FRMD5: variants seen among roughly 807,000 people sequenced by gnomAD.
FRMD5 encodes the protein FERM domain-containing protein 5.
FRMD5 carries 20 observed loss-of-function variants against 69.0 expected under a neutral mutation model. That is an observed-to-expected ratio of 0.29 (90% CI 0.20 to 0.42). FRMD5 has a LOEUF of 0.42. FRMD5 is among the 10% of genes least tolerant of loss of function. The probability of loss-of-function intolerance (pLI) is 1.00; values close to 1 mark genes in which losing one functional copy is unlikely to be tolerated. For missense variants in FRMD5, 595 were observed against 708.6 expected, an observed-to-expected ratio of 0.84 and a Z score of 1.82; for synonymous variants, 271 against 260.1, an observed-to-expected ratio of 1.04 and a Z score of -0.40.
At chr15:44,095,431 C>G (rs2140501208) in intron 1 of FRMD5, among the ~76,000 whole-genome samples, 1 of 152,162 alleles carries the variant, frequency 6.6e-6, no homozygotes, top group African/African-American at 2.4e-5. Context: ...TCTCAAACTC[C>G]TGGGTTACAG....
rs2088213540 is a variant in FRMD5, at chr15:43,873,283, A to G, written c.*602T>C. On this transcript the variant is annotated 3_prime_UTR_variant, in exon 14 of 14. Transcript: ENST00000417257. ...TCCAACTCAGACCATCATAAGAAGC[A>G]ACTTTCCATTTAATCATTCTACATG... The G allele has an allele frequency of 2.0e-6, 3 of 1,536,712 alleles. No homozygotes were observed. The African/African-American group carries it at 4.2e-5, about 21-fold the overall frequency.
intron 1 of FRMD5, among the ~76,000 whole-genome samples, chr15:44,028,119 A>G (rs1437727907): frequency 6.6e-6 from 1 of 152,232 alleles, no homozygotes. Flanking sequence ...GAACAAGCAG[A>G]GAAAAATATA....
intron 1 of FRMD5, among the ~76,000 whole-genome samples, chr15:43,986,072 CTG>C (rs1176342389): frequency 3.3e-5 from 5 of 152,238 alleles, no homozygotes; most frequent in Non-Finnish European, 5.9e-5. Context: ...GGTTTATTAA[CTG>C]TGAGTAATTA....
At chr15:44,087,787 TC>T (rs1438848634) in intron 1 of FRMD5, among the ~76,000 whole-genome samples, 75 of 129,670 alleles carry the variant, frequency 5.8e-4, no homozygotes, top group Non-Finnish European at 1.1e-3. Context: ...ATCATCATCA[TC>T]CCAGGCATTG....
At chr15:44,079,522 G>A (rs549462146) in intron 1 of FRMD5, among the ~76,000 whole-genome samples, 2 of 152,150 alleles carry the variant, frequency 1.3e-5, no homozygotes, top group South Asian at 2.1e-4. Flanking sequence ...CATTGAACTT[G>A]TCTCTTAAAC....
At chr15:43,972,872 C>T (rs2090403031) in intron 1 of FRMD5, among the ~76,000 whole-genome samples, 1 of 152,216 alleles carries the variant, frequency 6.6e-6, no homozygotes, top group South Asian at 2.1e-4. Flanking sequence ...ATCAACTCCA[C>T]CCAGGCTTCT....
intron 8 of FRMD5, among the ~76,000 whole-genome samples, chr15:43,889,109 C>T (rs1004227344): frequency 6.6e-5 from 10 of 152,278 alleles, no homozygotes; most frequent in South Asian, 4.1e-4. Flanking sequence ...AGGAGGATTT[C>T]GGGCTTATCA....
chr15:44,025,789 T>C (rs2140266835), intron 1 of FRMD5, among the ~76,000 whole-genome samples: 1 of 152,310 alleles, frequency 6.6e-6, no homozygotes, highest in South Asian at 2.1e-4. Flanking sequence ...CTACCACTCT[T>C]GAGAGCCAGG....
intron 1 of FRMD5, among the ~76,000 whole-genome samples, chr15:43,970,016 G>GCATTTGA (rs1351012537): frequency 1.3e-5 from 2 of 152,130 alleles, no homozygotes; most frequent in Non-Finnish European, 2.9e-5. Context: ...GACACAAACT[G>GCATTTGA]CATTTGACAA....
At chr15:44,047,886 T>C (rs899843548) in intron 1 of FRMD5, among the ~76,000 whole-genome samples, 2 of 152,234 alleles carry the variant, frequency 1.3e-5, no homozygotes, top group African/African-American at 4.8e-5. Flanking sequence ...TATGTATCAG[T>C]ACTTTCTTTT....
At chr15:44,165,173 C>T (rs1361909084) in intron 1 of FRMD5, among the ~76,000 whole-genome samples, 2 of 152,222 alleles carry the variant, frequency 1.3e-5, no homozygotes, top group Admixed American at 1.3e-4. Context: ...AATTCCAGCA[C>T]TTTGGGAGGC....
chr15:43,898,060 G>C (rs190516067), intron 7 of FRMD5, among the ~76,000 whole-genome samples: 89 of 152,306 alleles, frequency 5.8e-4, no homozygotes, highest in African/African-American at 2.0e-3. Context: ...GTCTCAGGTA[G>C]TTCTTTATAG....
chr15:44,079,730 A>T (rs1467360917), intron 1 of FRMD5, among the ~76,000 whole-genome samples: 1 of 152,148 alleles, frequency 6.6e-6, no homozygotes, highest in Non-Finnish European at 1.5e-5. Flanking sequence ...TGACTGATGG[A>T]TAAACAAAAT....
intron 1 of FRMD5, among the ~76,000 whole-genome samples, chr15:44,001,593 T>C (rs1890214190): frequency 2.1e-5 from 3 of 145,356 alleles, no homozygotes; most frequent in Non-Finnish European, 3.0e-5. Flanking sequence ...TGGCATAAGA[T>C]AAAGATCCAA....
chr15:44,058,198 A>G (rs1054398506), intron 1 of FRMD5, among the ~76,000 whole-genome samples: 56 of 152,212 alleles, frequency 3.7e-4, no homozygotes, highest in African/African-American at 1.4e-3. Flanking sequence ...GAATATTTCA[A>G]AAAAACAAAT....
At position 43,919,771 on chromosome 15, in the gene FRMD5, C is replaced by T. The variant is rs1262107494; in HGVS notation, c.246G>A (p.Leu82=). Residue 82 remains leucine, a synonymous_variant, in exon 3 of 14, where the codon TTG becomes TTA. Coordinates refer to ENST00000417257, the MANE Select transcript of FRMD5 (RefSeq NM_032892.5). The stretch of plus-strand genomic sequence containing the variant: ...CTTTTCATGGAGAATACTTACATCT[C>T]AATTGTTTCACCACAGACTTTGTAA... The part of the protein sequence containing the change: ...LEFTKSVVKQ[L]RSQPPFTMCF... The T allele has an allele frequency of 4.3e-6, 7 of 1,613,836 alleles. No individual in the cohort carries two copies. The highest frequency in any genetic ancestry group is 5.9e-6 in the Non-Finnish European group (7 of 1,179,852).
chr15:43,905,297 T>G (rs1052536252), intron 6 of FRMD5, among the ~76,000 whole-genome samples: 10 of 151,988 alleles, frequency 6.6e-5, no homozygotes, highest in African/African-American at 2.4e-4. Flanking sequence ...CCATCATGCC[T>G]GGCTAATTTT....
chr15:43,880,412 C>T (rs1369097333), intron 13 of FRMD5, among the ~76,000 whole-genome samples: 1 of 152,172 alleles, frequency 6.6e-6, no homozygotes, highest in Non-Finnish European at 1.5e-5. Context: ...TCAGCAGTGC[C>T]TGTCAGGACC....
intron 1 of FRMD5, among the ~76,000 whole-genome samples, chr15:44,069,632 G>A (rs1452906361): frequency 6.6e-6 from 1 of 152,114 alleles, no homozygotes; most frequent in African/African-American, 2.4e-5. Flanking sequence ...AATGGGGAAA[G>A]GATTAGTAGT....
Sources: allele counts gnomAD v4.1 joint callset (sites outside exome capture counted in the v4.1 genomes callset), GRCh38; gene constraint gnomAD v4.1.1; transcripts MANE v1.5; gene names NCBI Gene and HGNC (gene_info 2026-07-23, HGNC 2026-07-21).